The following SELP variants were observed in gnomAD, a reference collection of about 807,000 sequenced individuals.
SELP encodes selectin P.
A neutral mutation model predicts 104.1 loss-of-function variants in SELP; 92 were observed. That is an observed-to-expected ratio of 0.88 (90% CI 0.75 to 1.05). The LOEUF is 1.05. Ranked by LOEUF, SELP falls within the 50% of genes least tolerant of loss-of-function variation. The pLI, the probability that SELP is intolerant of heterozygous loss-of-function variation, is 0.00. For missense variants in SELP, 1,022 were observed against 1,017.3 expected (o/e 1.00, Z -0.06); for synonymous variants, 397 against 364.5 (o/e 1.09, Z -1.01).
Position 169,625,468 on chromosome 1 carries a change from G to A in SELP, c.3+4604C>T, listed in dbSNP as rs1371901097. On this transcript the variant is annotated intron_variant, in intron 1 of 16. Coordinates refer to ENST00000263686, the MANE Select transcript of SELP (RefSeq NM_003005.4). ...ATCTGTTTCCAATGTCCTCTAATCA[G>A]CATCTCCGTTTCTGAATATTCTCTT... 2.6e-5 allele frequency among the ~76,000 whole-genome samples: 4 copies of A among 152,236 alleles called. No individual in the cohort carries two copies. The East Asian group carries it at 7.7e-4, about 29-fold the overall frequency.
Position 169,597,117 on chromosome 1 carries a change from G to A in SELP, c.1765C>T (p.Arg589Cys), listed in dbSNP as rs370194750. The stretch of plus-strand genomic sequence containing the variant: ...GTGGAGCCAACATTGAATTCTCCAC[G>A]AGTGTCAGAACAATCCAGGCTGCCC... ...EQGSLDCSDT[R>C]GEFNVGSTCH... The change falls in exon 11 of 17, where the codon CGT (arginine) becomes TGT (cysteine). Residue 589 changes from arginine to cysteine, a missense_variant. By Grantham distance (180) the Arg-to-Cys change is radical. Coordinates refer to ENST00000263686, the MANE Select transcript of SELP (RefSeq NM_003005.4). The A allele has an allele frequency of 1.1e-4, 176 of 1,612,846 alleles. No homozygotes were observed. The highest frequency in any genetic ancestry group is 2.9e-4 in the East Asian group (13 of 44,882).
chr1:169,612,961 C>T lies in SELP; in HGVS notation c.743G>A (p.Gly248Glu), dbSNP rs757902140. The change falls in exon 5 of 17, where the codon GGA (glycine) becomes GAA (glutamate). Residue 248 changes from glycine to glutamate, a missense_variant. Coordinates refer to ENST00000263686, the MANE Select transcript of SELP (RefSeq NM_003005.4). The part of the protein sequence containing the change: ...GPSKLECLAS[G>E]IWTNKPPQCL... ...CTGTGGAGGCTTATTTGTCCAGATT[C>T]CAGAAGCCAAGCATTCCAGCTTGCT... 5.0e-6 allele frequency: 8 copies of T among 1,612,684 alleles called. No homozygotes were observed. The highest frequency in any genetic ancestry group is 1.7e-5 in the Admixed American group (1 of 59,904).
intron 5 of SELP, 40 bp downstream of exon 5, chr1:169,612,889 T>C (rs1434167981): frequency 6.7e-7 from 1 of 1,503,558 alleles, no homozygotes; most frequent in East Asian, 2.3e-5. Context: ...TCCCCCAAAA[T>C]TCTATGTCAG....
chr1:169,593,568 T>C (rs1368936692), intron 14 of SELP, 37 bp downstream of exon 14: 2 of 1,593,988 alleles, frequency 1.3e-6, no homozygotes, highest in African/African-American at 2.7e-5. Flanking sequence ...TTGATTTATG[T>C]AACCAAGATG....
chr1:169,615,726 A>G (rs3917708), intron 3 of SELP, among the ~76,000 whole-genome samples: 4,240 of 152,302 alleles, frequency 0.028, 132 homozygotes, highest in African/African-American at 0.077. Flanking sequence ...TGCATTATTT[A>G]TAAAGTAGAT....
chr1:169,606,725 CT>C (rs1199935513), intron 9 of SELP, among the ~76,000 whole-genome samples: 1 of 152,182 alleles, frequency 6.6e-6, no homozygotes, highest in East Asian at 1.9e-4. Flanking sequence ...CCATGCCCTA[CT>C]GTCTATGGCC....
At position 169,590,159 on chromosome 1, in the gene SELP, G is replaced by A. The variant is rs1042030327; in HGVS notation, c.2482C>T (p.Pro828Ser). The change falls in exon 16 of 17, where the codon CCG becomes TCG. Residue 828 changes from proline (P) to serine (S), a missense_variant. Coordinates refer to ENST00000263686, the MANE Select transcript of SELP (RefSeq NM_003005.4). ...YGVFTNAAFD[P>S]SP is the part of the protein sequence containing the mutation. ...ATAGGGATCTTACCTTAAGGACTCG[G>A]GTCAAATGCAGCGTTTGTAAAAACT... 1 of 1,612,000 alleles carries A rather than the reference G, an allele frequency of 6.2e-7. No homozygotes were observed.
At chr1:169,628,133 T>C (rs1443584166) in intron 1 of SELP, among the ~76,000 whole-genome samples, 1 of 152,234 alleles carries the variant, frequency 6.6e-6, no homozygotes, top group East Asian at 1.9e-4. Context: ...CGACTTCAAG[T>C]GATCTATGCG....
chr1:169,597,724 A>G (rs1162362562), intron 10 of SELP, among the ~76,000 whole-genome samples: 1 of 152,182 alleles, frequency 6.6e-6, no homozygotes, highest in Non-Finnish European at 1.5e-5. Flanking sequence ...CATCCAGATA[A>G]CACAGGAAAA....
Position 169,597,192 on chromosome 1 carries a change from A to T in SELP, c.1706-16T>A. The stretch of plus-strand genomic sequence containing the variant: ...CACTTGATGGCTAGAGTATCAAATT[A>T]AGAGTGTCACAATCTCCAAGTTTAT... On this transcript the variant is annotated splice_polypyrimidine_tract_variant and intron_variant, in intron 10 of 16. Coordinates refer to ENST00000263686, the MANE Select transcript of SELP (RefSeq NM_003005.4). The T allele has an allele frequency of 1.3e-6, 2 of 1,562,178 alleles. No individual in the cohort carries two copies. The highest frequency in any genetic ancestry group is 4.6e-5 in the East Asian group (2 of 43,948).
intron 7 of SELP, 148 bp downstream of exon 7, chr1:169,611,344 T>G (rs2101902165): frequency 3.8e-4 from 274 of 728,104 alleles, no homozygotes; most frequent in Non-Finnish European, 5.4e-4. Context: ...ATTTCACAGA[T>G]GAGAAAACCA....
intron 7 of SELP, 67 bp from the exon 8 acceptor site, chr1:169,609,756 C>A (rs1451370626): frequency 7.0e-6 from 10 of 1,431,160 alleles, no homozygotes; most frequent in Non-Finnish European, 8.6e-6. Flanking sequence ...AGAAAAAATT[C>A]CTAGATGCTA....
chr1:169,603,099 A>T lies in SELP; in HGVS notation c.1632T>A (p.Tyr544Ter). ...STCQFICDEG[Y>*]SLSGPERLDC... The stretch of plus-strand genomic sequence containing the variant: ...CCAATCTTTCTGGTCCAGACAAAGA[A>T]TATCCCTCGTCACAGATGAATTGAC... The change falls in exon 10 of 17, where the codon TAT becomes TAA. Residue 544 changes from tyrosine (Y) to a stop codon, truncating the protein, a stop_gained. Transcript: ENST00000263686. LOFTEE classifies it high-confidence loss of function. The T allele has an allele frequency of 6.2e-7, 1 of 1,614,150 alleles. No homozygotes were observed. The highest frequency in any genetic ancestry group is 8.5e-7 in the Non-Finnish European group (1 of 1,179,988).
chr1:169,596,216 G>A (rs1661603291), intron 11 of SELP, 82 bp from the exon 12 acceptor site: 1 of 1,241,392 alleles, frequency 8.1e-7, no homozygotes. Context: ...TGGAATAACT[G>A]CTTTTCACTC....
chr1:169,617,008 C>G lies in SELP; in HGVS notation c.481+20G>C, dbSNP rs374510976. On this transcript the variant is annotated intron_variant, in intron 3 of 16. Transcript: ENST00000263686. Reference sequence around the variant, plus strand: ...TTTTTTTTTTTTAACAGGAAAGTTTCAAAGTAGAGAAGGCCCTACCTGTGT... The same window carrying G: ...TTTTTTTTTTTTAACAGGAAAGTTTGAAAGTAGAGAAGGCCCTACCTGTGT... The G allele has an allele frequency of 5.9e-6, 9 of 1,520,334 alleles. No individual in the cohort carries two copies. In the African/African-American group the frequency reaches 1.1e-4, roughly 19 times the overall value. The allele number at this position is 1,520,334 out of a possible 1,614,324, so 94.2% of individuals were successfully genotyped here. A position where few individuals can be genotyped will look rare whatever the true frequency, so the allele number is the denominator to read the frequency against.
Position 169,613,582 on chromosome 1 carries a change from T to C in SELP, c.589+4A>G. 1.2e-6 allele frequency: 2 copies of C among 1,610,152 alleles called. No individual in the cohort carries two copies. The highest frequency in any genetic ancestry group is 1.7e-6 in the Non-Finnish European group (2 of 1,176,444). ...AAATAATATCAACAAAAAGGAAGCCTCACCGTATTCACATTCTGGCCCATA... is the reference window on the plus strand; with the variant it reads ...AAATAATATCAACAAAAAGGAAGCCCCACCGTATTCACATTCTGGCCCATA... On this transcript the variant is annotated splice_donor_region_variant and intron_variant, in intron 4 of 16. Coordinates refer to ENST00000263686, the MANE Select transcript of SELP (RefSeq NM_003005.4).
chr1:169,606,910 C>A (rs1662231275), intron 9 of SELP, 39 bp downstream of exon 9: 3 of 1,577,886 alleles, frequency 1.9e-6, no homozygotes, highest in Middle Eastern at 2.0e-4. Flanking sequence ...ATACTGCCTA[C>A]AATTTATTTC....
rs757246310 is a variant in SELP at position 169,617,099 on chromosome 1, T to C, written c.410A>G (p.Lys137Arg). 179 of 1,614,018 alleles carry C rather than the reference T, an allele frequency of 1.1e-4. No individual in the cohort carries two copies. Among genetic ancestry groups the C allele is most frequent in the Non-Finnish European group, 1.3e-4 (158 of 1,180,016 alleles). ...CCACTTGCCAGGGGCTGACGGACTC[T>C]TGATGTATATCTCCACGCAGTCCTC... ...NNEDCVEIYI[K>R]SPSAPGKWND... Residue 137 changes from lysine (K) to arginine (R), a missense_variant, in exon 3 of 17, where the codon AAG (lysine) becomes AGG (arginine). Transcript: ENST00000263686.
intron 9 of SELP, among the ~76,000 whole-genome samples, chr1:169,604,808 C>T (rs1208722300): frequency 1.3e-5 from 2 of 152,128 alleles, no homozygotes; most frequent in African/African-American, 4.8e-5. Context: ...CCATTTCCAG[C>T]TCTTCTGTGG....
Sources: allele counts gnomAD v4.1 joint callset (sites outside exome capture counted in the v4.1 genomes callset), GRCh38; gene constraint gnomAD v4.1.1; transcripts MANE v1.5; gene names NCBI Gene and HGNC (gene_info 2026-07-23, HGNC 2026-07-21).